MAGI1: variants seen among roughly 807,000 people sequenced by gnomAD.
MAGI1 encodes the protein membrane associated guanylate kinase, WW and PDZ domain containing 1.
In MAGI1, 58 loss-of-function variants were observed where a neutral mutation model predicts 139.9. The ratio of observed to expected loss-of-function variants is 0.41; its 90% CI spans 0.34 to 0.52. MAGI1 has a LOEUF of 0.52. MAGI1 is among the 20% of genes least tolerant of loss of function. MAGI1 has a pLI of 0.12. For missense variants in MAGI1, 1,874 were observed against 1,901.6 expected, an observed-to-expected ratio of 0.99 and a Z score of 0.27; for synonymous variants, 812 against 737.9, an observed-to-expected ratio of 1.10 and a Z score of -1.63.
At chr3:65,983,792 C>G (rs150758483) in intron 1 of MAGI1, among the ~76,000 whole-genome samples, 73 of 152,220 alleles carry the variant, frequency 4.8e-4, no homozygotes, top group African/African-American at 1.7e-3. Context: ...AATTACTTAA[C>G]TTCTTTATGT....
chr3:65,820,461 G>A (rs2108249414), intron 1 of MAGI1, among the ~76,000 whole-genome samples: 1 of 152,270 alleles, frequency 6.6e-6, no homozygotes, highest in Admixed American at 6.5e-5. Context: ...TTATGGCATA[G>A]GGATCTCTTT....
rs140106181 is a variant in MAGI1 at position 65,807,199 on chromosome 3, G to C, written c.314-185111C>G. Among the ~76,000 whole-genome samples the C allele has an allele frequency of 9.0e-3, 1,373 of 152,216 alleles. 23 individuals are homozygous for C. Among genetic ancestry groups the C allele is most frequent in the African/African-American group, 0.031 (1,305 of 41,534 alleles). ...TGCTATAACAGAACGCCTTAGACTG[G>C]GTAATTTGTAAATAACAGAAATTCA... is the stretch of plus-strand genomic sequence containing the variant. On this transcript the variant is annotated intron_variant, in intron 1 of 22. Transcript: ENST00000402939.
chr3:65,760,588 T>G (rs146873048), intron 1 of MAGI1, among the ~76,000 whole-genome samples: 2 of 152,168 alleles, frequency 1.3e-5, no homozygotes, highest in East Asian at 3.9e-4. Context: ...TTTTATTTGT[T>G]GTAAAGACGG....
intron 1 of MAGI1, among the ~76,000 whole-genome samples, chr3:65,843,437 A>G (rs1468640216): frequency 6.6e-6 from 1 of 152,338 alleles, no homozygotes; most frequent in Admixed American, 6.5e-5. Flanking sequence ...GTGTTCAGTT[A>G]CTGACCCATA....
intron 1 of MAGI1, among the ~76,000 whole-genome samples, chr3:65,700,392 G>A (rs2089513291): frequency 6.6e-6 from 1 of 152,094 alleles, no homozygotes; most frequent in African/African-American, 2.4e-5. Flanking sequence ...AGGTCACAAT[G>A]AGTGGAGATC....
intron 1 of MAGI1, among the ~76,000 whole-genome samples, chr3:65,855,319 C>T (rs1038350204): frequency 4.0e-5 from 6 of 151,816 alleles, no homozygotes; most frequent in Non-Finnish European, 8.8e-5. Flanking sequence ...ATGGCTCACA[C>T]CTGTAATCCC....
Position 65,631,633 on chromosome 3 carries a change from C to G in MAGI1, c.314-9545G>C, listed in dbSNP as rs146242627. Among the ~76,000 whole-genome samples, 364 of 152,276 alleles carry G rather than the reference C, an allele frequency of 2.4e-3. 1 individual carries two copies. Among genetic ancestry groups the G allele is most frequent in the Middle Eastern group, 6.8e-3 (2 of 294 alleles). ...TGATACAAATTCCCTCCAGAAAGAT[C>G]ATATTAGCTTTCCTTCTTCCAGCTT... On this transcript the variant is annotated intron_variant, in intron 1 of 22. Coordinates refer to ENST00000402939, the MANE Select transcript of MAGI1 (RefSeq NM_001033057.2).
chr3:65,450,642 T>C (rs1948978268), intron 6 of MAGI1, among the ~76,000 whole-genome samples: 1 of 152,152 alleles, frequency 6.6e-6, no homozygotes, highest in Admixed American at 6.6e-5. Flanking sequence ...ACAATATTGG[T>C]CTGGAGTTCA....
intron 2 of MAGI1, among the ~76,000 whole-genome samples, chr3:65,515,684 A>G (rs879072620): frequency 1.3e-5 from 2 of 152,332 alleles, no homozygotes; most frequent in Admixed American, 1.3e-4. Context: ...TCCAAAGTCT[A>G]TGGCACCAAC....
chr3:66,021,981 G>C (rs2067988664), intron 1 of MAGI1, among the ~76,000 whole-genome samples: 1 of 152,152 alleles, frequency 6.6e-6, no homozygotes, highest in Non-Finnish European at 1.5e-5. Context: ...GAATATAAGT[G>C]CCTGGTAACA....
Position 65,383,525 on chromosome 3 carries a change from G to T in MAGI1, c.2508+7C>A. On this transcript the variant is annotated splice_region_variant and intron_variant, in intron 15 of 22. Coordinates refer to ENST00000402939, the MANE Select transcript of MAGI1 (RefSeq NM_001033057.2). ...ATGCTGGGAAGAGAGACAAGCAAAAGACTCACAGGTTCCCCTGGTTCATTT... is the reference window on the plus strand; with the variant it reads ...ATGCTGGGAAGAGAGACAAGCAAAATACTCACAGGTTCCCCTGGTTCATTT... The T allele has an allele frequency of 6.2e-7, 1 of 1,604,846 alleles. No individual in the cohort carries two copies. The highest frequency in any genetic ancestry group is 8.5e-7 in the Non-Finnish European group (1 of 1,171,624).
chr3:65,725,529 C>T (rs145414285), intron 1 of MAGI1, among the ~76,000 whole-genome samples: 19 of 152,280 alleles, frequency 1.2e-4, no homozygotes, highest in Admixed American at 3.9e-4. Context: ...CTCTGCCAAA[C>T]CCTGGTGGCT....
intron 1 of MAGI1, among the ~76,000 whole-genome samples, chr3:65,877,834 A>G (rs1287120675): frequency 6.6e-6 from 1 of 152,172 alleles, no homozygotes; most frequent in African/African-American, 2.4e-5. Flanking sequence ...GGGGCCAGGC[A>G]TGTGGCTCAT....
At position 65,959,459 on chromosome 3, in the gene MAGI1, G is replaced by A. The variant is rs11914590; in HGVS notation, c.313+78537C>T. ...GAGTGATGCTCTTTTTGTTATTTTG[G>A]TTTTTCCTTTTTTGAGACAGGGTCT... On this transcript the variant is annotated intron_variant, in intron 1 of 22. Transcript: ENST00000402939. Among the ~76,000 whole-genome samples the A allele has an allele frequency of 9.3e-3, 1,415 of 151,908 alleles. 20 individuals are homozygous for A. Among genetic ancestry groups the A allele is most frequent in the African/African-American group, 0.032 (1,336 of 41,454 alleles).
intron 12 of MAGI1, among the ~76,000 whole-genome samples, chr3:65,410,685 C>A (rs1369339200): frequency 1.3e-5 from 2 of 152,150 alleles, no homozygotes. Flanking sequence ...CTACAGATAG[C>A]CGAAGAGTGT....
intron 1 of MAGI1, among the ~76,000 whole-genome samples, chr3:65,826,285 A>C (rs1377595150): frequency 6.6e-6 from 1 of 152,224 alleles, no homozygotes; most frequent in Non-Finnish European, 1.5e-5. Flanking sequence ...ACTAAAACTT[A>C]AATAAAAAGA....
At chr3:65,359,281 G>A in intron 22 of MAGI1, 1 of 1,491,262 alleles carries the variant, frequency 6.7e-7, no homozygotes, top group Non-Finnish European at 8.9e-7. Context: ...GTTAACATAG[G>A]GCAAAGAGAG....
chr3:65,966,686 C>A (rs1348854073), intron 1 of MAGI1, among the ~76,000 whole-genome samples: 12 of 152,132 alleles, frequency 7.9e-5, no homozygotes, highest in Non-Finnish European at 1.2e-4. Flanking sequence ...TGTGATCAAA[C>A]CCCATTGCTG....
intron 2 of MAGI1, among the ~76,000 whole-genome samples, chr3:65,561,822 A>G (rs1375861482): frequency 6.6e-6 from 1 of 152,104 alleles, no homozygotes; most frequent in Non-Finnish European, 1.5e-5. Context: ...GAAATACGCA[A>G]CTCAACTCTA....
Sources: allele counts gnomAD v4.1 joint callset (sites outside exome capture counted in the v4.1 genomes callset), GRCh38; gene constraint gnomAD v4.1.1; transcripts MANE v1.5; gene names NCBI Gene and HGNC (gene_info 2026-07-23, HGNC 2026-07-21).